Variants in TAF4B observed in about 807,000 individuals in gnomAD.
TAF4B encodes transcription initiation factor TFIID subunit 4B.
In TAF4B, 38 loss-of-function variants were observed where a neutral mutation model predicts 86.4. The ratio of observed to expected loss-of-function variants is 0.44; its 90% CI spans 0.34 to 0.58. The LOEUF is 0.58. TAF4B is among the 20% of genes least tolerant of loss of function. TAF4B has a pLI of 0.02. For missense variants in TAF4B, 988 were observed against 1,027.6 expected (o/e 0.96, Z 0.53); for synonymous variants, 388 against 391.2 (o/e 0.99, Z 0.10).
chr18:26,232,232 G>T (rs191294319), intron 1 of TAF4B, among the ~76,000 whole-genome samples: 11 of 151,912 alleles, frequency 7.2e-5, no homozygotes, highest in Admixed American at 7.2e-4. Flanking sequence ...CCCCACCCCC[G>T]TCTAAACAGG....
At chr18:26,256,415 C>T (rs1314482411) in intron 1 of TAF4B, 18 of 990,420 alleles carry the variant, frequency 1.8e-5, no homozygotes, top group East Asian at 4.8e-5. Context: ...ATAACGTCCC[C>T]GAGGTGCAGA....
intron 14 of TAF4B, among the ~76,000 whole-genome samples, chr18:26,360,545 C>A (rs976566380): frequency 6.6e-6 from 1 of 152,000 alleles, no homozygotes; most frequent in Non-Finnish European, 1.5e-5. Flanking sequence ...TTTAGAAGGC[C>A]CTTTCTTAAT....
intron 7 of TAF4B, among the ~76,000 whole-genome samples, chr18:26,291,701 TG>T (rs1204434600): frequency 1.0e-5 from 1 of 95,254 alleles, no homozygotes; most frequent in African/African-American, 3.5e-5. Flanking sequence ...AGCAAGACTC[TG>T]TCTCAAAAAA....
intron 14 of TAF4B, among the ~76,000 whole-genome samples, chr18:26,360,904 G>C (rs1249752036): frequency 1.3e-5 from 2 of 152,142 alleles, no homozygotes; most frequent in Non-Finnish European, 2.9e-5. Flanking sequence ...TGGCTGTCGA[G>C]ATCTTGAAAT....
chr18:26,252,577 C>T (rs1347134883), intron 1 of TAF4B, among the ~76,000 whole-genome samples: 1 of 152,122 alleles, frequency 6.6e-6, no homozygotes, highest in Non-Finnish European at 1.5e-5. Flanking sequence ...CTCCATTCCA[C>T]TGCATCCTGC....
At chr18:26,352,144 A>T (rs922889700) in intron 13 of TAF4B, among the ~76,000 whole-genome samples, 1 of 152,138 alleles carries the variant, frequency 6.6e-6, no homozygotes, top group Admixed American at 6.5e-5. Context: ...CATACAGAAA[A>T]CAAAATGATA....
At chr18:26,368,134 A>G (rs975101305) in intron 14 of TAF4B, among the ~76,000 whole-genome samples, 12 of 152,228 alleles carry the variant, frequency 7.9e-5, no homozygotes, top group Non-Finnish European at 1.5e-4. Context: ...TTATTTAAGT[A>G]TTAAAATCAT....
At chr18:26,377,222 AT>A (rs2057448784) in intron 14 of TAF4B, among the ~76,000 whole-genome samples, 1 of 152,072 alleles carries the variant, frequency 6.6e-6, no homozygotes, top group South Asian at 2.1e-4. Flanking sequence ...CTCCTCTCCT[AT>A]TTTTTAGAAG....
chr18:26,336,839 C>G (rs149596899), intron 13 of TAF4B, among the ~76,000 whole-genome samples: 21 of 152,324 alleles, frequency 1.4e-4, no homozygotes, highest in African/African-American at 4.8e-4. Flanking sequence ...TAACCTTACC[C>G]TGTCTGTTCT....
At chr18:26,252,304 A>G (rs2056018300) in intron 1 of TAF4B, among the ~76,000 whole-genome samples, 1 of 152,108 alleles carries the variant, frequency 6.6e-6, no homozygotes. Flanking sequence ...AATTTCATTT[A>G]TGGTTATTCA....
intron 12 of TAF4B, among the ~76,000 whole-genome samples, chr18:26,332,515 C>T (rs1283366203): frequency 6.6e-6 from 1 of 151,980 alleles, no homozygotes; most frequent in African/African-American, 2.4e-5. Flanking sequence ...GTGCTCCAAA[C>T]ACGCCAGTGG....
At chr18:26,326,438 T>C (rs1200060336) in intron 11 of TAF4B, among the ~76,000 whole-genome samples, 2 of 152,192 alleles carry the variant, frequency 1.3e-5, no homozygotes, top group Admixed American at 1.3e-4. Flanking sequence ...ATCCTCAAAA[T>C]AGCATTTCAA....
intron 1 of TAF4B, among the ~76,000 whole-genome samples, chr18:26,255,501 G>T (rs2056068723): frequency 1.3e-5 from 2 of 150,452 alleles, no homozygotes; most frequent in Non-Finnish European, 2.9e-5. Flanking sequence ...TACTTGGGAG[G>T]CTGAGGCAGG....
chr18:26,335,312 T>G, intron 13 of TAF4B, 81 bp downstream of exon 13: 47 of 1,252,452 alleles, frequency 3.8e-5, no homozygotes, highest in Non-Finnish European at 4.9e-5. Context: ...GGTCAGGGTT[T>G]ATTTTGCTGT....
Position 26,335,117 on chromosome 18 carries a change from G to C in TAF4B, c.2260-58G>C, listed in dbSNP as rs2057080254. The C allele has an allele frequency of 2.0e-5, 23 of 1,176,580 alleles. No homozygotes were observed. The South Asian group carries it at 2.6e-4, about 13-fold the overall frequency. 72.9% of individuals were successfully genotyped at this position (1,176,580 alleles called of 1,614,324 possible). A position where few individuals can be genotyped will look rare whatever the true frequency, so the allele number is the denominator to read the frequency against. ...ATTGTCATTTATTAAATATTTAATG[G>C]CAACTATGGTGTTCAGATGCTAGTA... On this transcript the variant is annotated intron_variant, in intron 12 of 14. Coordinates refer to ENST00000269142, the MANE Select transcript of TAF4B (RefSeq NM_005640.3).
chr18:26,317,488 C>T (rs1416466296), intron 10 of TAF4B, among the ~76,000 whole-genome samples: 1 of 152,172 alleles, frequency 6.6e-6, no homozygotes, highest in Admixed American at 6.5e-5. Flanking sequence ...TATATGGTTT[C>T]TGTCACAATT....
At chr18:26,385,851 G>T (rs1008869017) in intron 14 of TAF4B, among the ~76,000 whole-genome samples, 5 of 151,960 alleles carry the variant, frequency 3.3e-5, no homozygotes, top group African/African-American at 9.7e-5. Flanking sequence ...AAGCAGGTTT[G>T]GTTTTTATGG....
chr18:26,233,003 A>G (rs1476790552), intron 1 of TAF4B, among the ~76,000 whole-genome samples: 2 of 152,120 alleles, frequency 1.3e-5, no homozygotes, highest in African/African-American at 4.8e-5. Context: ...TCCTGGGGCA[A>G]TGTCAATGTT....
intron 5 of TAF4B, among the ~76,000 whole-genome samples, chr18:26,281,663 T>C (rs1323773153): frequency 1.3e-5 from 2 of 152,210 alleles, no homozygotes; most frequent in African/African-American, 4.8e-5. Flanking sequence ...AAGACACGCG[T>C]GCCTTCAATT....
Sources: allele counts gnomAD v4.1 joint callset (sites outside exome capture counted in the v4.1 genomes callset), GRCh38; gene constraint gnomAD v4.1.1; transcripts MANE v1.5; gene names NCBI Gene and HGNC (gene_info 2026-07-23, HGNC 2026-07-21).